The following VWA3A variants were observed in gnomAD, a reference collection of about 807,000 sequenced individuals.
The protein encoded by VWA3A is von Willebrand factor A domain containing 3A, also known as von Willebrand factor A domain-containing protein 3A.
Under a neutral mutation model 160.4 loss-of-function variants are expected in VWA3A, and 134 were observed. The observed-to-expected ratio is 0.84, with a 90% confidence interval of 0.73 to 0.96. VWA3A has a LOEUF of 0.96. VWA3A is among the 40% of genes least tolerant of loss of function. The pLI, the probability that VWA3A is intolerant of heterozygous loss-of-function variation, is 0.00. For synonymous variants in VWA3A, 476 were observed against 543.4 expected (o/e 0.88, Z 1.72); for missense variants, 1,310 against 1,447.9 (o/e 0.90, Z 1.55).
At chr16:22,092,769 C>T in intron 1 of VWA3A, 118 bp downstream of exon 1, 2 of 1,293,672 alleles carry the variant, frequency 1.5e-6, no homozygotes. Flanking sequence ...AGTGTCCACT[C>T]CCTACATGCC....
intron 21 of VWA3A, among the ~76,000 whole-genome samples, chr16:22,137,514 G>A (rs1224431472): frequency 6.6e-6 from 1 of 152,214 alleles, no homozygotes; most frequent in Non-Finnish European, 1.5e-5. Context: ...AGCTCACAGA[G>A]CTGTAACTGT....
At chr16:22,144,578 G>T (rs1266654179) in intron 26 of VWA3A, among the ~76,000 whole-genome samples, 194 bp downstream of exon 26, 3 of 152,054 alleles carry the variant, frequency 2.0e-5, no homozygotes, top group African/African-American at 2.4e-5. Context: ...GAGGGCCTAA[G>T]ATCCCATTCC....
chr16:22,123,368 C>T, intron 15 of VWA3A: 2 of 1,336,446 alleles, frequency 1.5e-6, no homozygotes, highest in Non-Finnish European at 2.0e-6. Flanking sequence ...AAAAAAAAGG[C>T]TTCTAATCCT....
chr16:22,154,323 CTTTTTTTTTTTTTT>C (rs988862954), intron 31 of VWA3A, among the ~76,000 whole-genome samples: 5 of 73,904 alleles, frequency 6.8e-5, no homozygotes, highest in East Asian at 4.5e-4. Context: ...TTTTCTTTTT[CTTTTTTTTTTTTTT>C]TTTTTTTTTT....
intron 31 of VWA3A, among the ~76,000 whole-genome samples, chr16:22,154,041 C>T (rs2046393812): frequency 6.6e-6 from 1 of 152,076 alleles, no homozygotes; most frequent in Non-Finnish European, 1.5e-5. Context: ...GCTCGGCTGG[C>T]ATAATCTTTG....
In VWA3A at chr16:22,151,412, G is replaced by C. The variant is rs28637985; in HGVS notation, c.3281+566G>C. Among the ~76,000 whole-genome samples, 768 of 152,320 alleles carry C rather than the reference G, an allele frequency of 5.0e-3. 6 individuals carry two copies. The highest frequency in any genetic ancestry group is 0.018 in the African/African-American group (739 of 41,580). On this transcript the variant is annotated intron_variant, in intron 30 of 33. Transcript: ENST00000389398. ...TTTCCCTCTGACTTCCTCCAGCCTG[G>C]AAACACATTTGCAAGGGATTCACAC...
chr16:22,130,950 G>A (rs1192348849), intron 17 of VWA3A, among the ~76,000 whole-genome samples: 4 of 152,164 alleles, frequency 2.6e-5, no homozygotes, highest in African/African-American at 9.7e-5. Context: ...AGGTTAAAGA[G>A]GGGGCCACAC....
chr16:22,141,695 A>AT lies in VWA3A; in HGVS notation c.2494+3_2494+4insT. On this transcript the variant is annotated splice_donor_region_variant and intron_variant, in intron 24 of 33. Transcript: ENST00000389398. ...CACAGAGAAAGGGAATGACGTGGGT[A>AT]AGTTAGAGGCTATACAGGTGTCTGG... is the stretch of plus-strand genomic sequence containing the variant. 1.2e-6 allele frequency: 2 copies of AT among 1,604,386 alleles called. No homozygotes were observed. Among genetic ancestry groups the AT allele is most frequent in the Non-Finnish European group, 1.7e-6 (2 of 1,175,416 alleles).
intron 14 of VWA3A, 82 bp downstream of exon 14, chr16:22,121,699 A>G: frequency 9.0e-7 from 1 of 1,113,352 alleles, no homozygotes; most frequent in Non-Finnish European, 1.3e-6. Flanking sequence ...ATGTTCTGGC[A>G]GTAAGAATCA....
chr16:22,125,060 C>A (rs546858231), intron 16 of VWA3A, among the ~76,000 whole-genome samples: 1 of 152,106 alleles, frequency 6.6e-6, no homozygotes, highest in East Asian at 1.9e-4. Context: ...TACTTGCTCA[C>A]CTGGTTTTCG....
At chr16:22,097,129 C>A (rs1448755556) in intron 2 of VWA3A, among the ~76,000 whole-genome samples, 184 bp downstream of exon 2, 1 of 151,984 alleles carries the variant, frequency 6.6e-6, no homozygotes, top group East Asian at 1.9e-4. Flanking sequence ...TCATACCCAG[C>A]TGATTTTGTG....
At chr16:22,138,882 AC>A (rs1255769765) in intron 22 of VWA3A, among the ~76,000 whole-genome samples, 1 of 151,720 alleles carries the variant, frequency 6.6e-6, no homozygotes, top group African/African-American at 2.4e-5. Context: ...TCCCGCTGCC[AC>A]CCAAGACTTT....
chr16:22,107,768 C>T (rs1445352535), intron 6 of VWA3A, among the ~76,000 whole-genome samples: 1 of 152,074 alleles, frequency 6.6e-6, no homozygotes, highest in African/African-American at 2.4e-5. Flanking sequence ...GGAGTGGGAC[C>T]TGAGACTCTG....
At chr16:22,096,670 G>T (rs1294272344) in intron 1 of VWA3A, among the ~76,000 whole-genome samples, 189 bp from the exon 2 acceptor site, 1 of 151,990 alleles carries the variant, frequency 6.6e-6, no homozygotes, top group Non-Finnish European at 1.5e-5. Context: ...GCTTGAGCCT[G>T]GGAGGTCAAG....
intron 26 of VWA3A, 42 bp downstream of exon 26, chr16:22,144,426 A>C (rs887041068): frequency 6.2e-7 from 1 of 1,604,732 alleles, no homozygotes; most frequent in African/African-American, 1.3e-5. Flanking sequence ...TTCTCCCCCA[A>C]CTCAGCTGCA....
Position 22,117,107 on chromosome 16 carries a change from G to T in VWA3A, c.925-4G>T. The T allele has an allele frequency of 6.3e-7, 1 of 1,577,744 alleles. No individual in the cohort carries two copies. The highest frequency in any genetic ancestry group is 1.3e-5 in the African/African-American group (1 of 74,166). ...GAGGCCTGACCCTGGCCTCATCCCT[G>T]CAGGCTGTCCTGAAGAACCTTGCAG... is the stretch of plus-strand genomic sequence containing the variant. On this transcript the variant is annotated splice_polypyrimidine_tract_variant and splice_region_variant and intron_variant, in intron 10 of 33. Coordinates refer to ENST00000389398, the MANE Select transcript of VWA3A (RefSeq NM_173615.5).
intron 16 of VWA3A, among the ~76,000 whole-genome samples, chr16:22,125,516 C>T (rs1378302695): frequency 3.3e-5 from 5 of 151,914 alleles, no homozygotes; most frequent in South Asian, 2.1e-4. Context: ...CTCTGCCTCC[C>T]GGGTTCATGC....
chr16:22,146,611 C>T (rs1231333818), intron 27 of VWA3A, among the ~76,000 whole-genome samples: 4 of 152,030 alleles, frequency 2.6e-5, no homozygotes, highest in Non-Finnish European at 4.4e-5. Context: ...TGATGAAACC[C>T]GTCTCTACTA....
intron 8 of VWA3A, among the ~76,000 whole-genome samples, chr16:22,114,787 C>A (rs1289956946): frequency 6.6e-6 from 1 of 151,418 alleles, no homozygotes; most frequent in Non-Finnish European, 1.5e-5. Flanking sequence ...CACAGTGAGA[C>A]CCCTATCTCT....
Sources: gnomAD v4.1 joint callset for allele counts (sites outside exome capture counted in the v4.1 genomes callset) on GRCh38, gnomAD v4.1.1 for gene constraint, MANE v1.5 for transcripts, NCBI Gene and HGNC (gene_info 2026-07-23, HGNC 2026-07-21) for gene names.